The following PCDHGB2 variants were observed in gnomAD, a reference collection of about 807,000 sequenced individuals.
The protein encoded by PCDHGB2 is protocadherin gamma subfamily B, 2.
Under a neutral mutation model 59.3 loss-of-function variants are expected in PCDHGB2, and 55 were observed. That is an observed-to-expected ratio of 0.93 (90% CI 0.75 to 1.16). The LOEUF (loss-of-function observed/expected upper bound fraction) is 1.16, where lower values mean the gene tolerates loss of function less well. Among genes scored for constraint, PCDHGB2 ranks in the 50% most tolerant of loss-of-function variants. PCDHGB2 has a pLI of 0.00. For synonymous variants in PCDHGB2, 516 were observed against 512.0 expected, an observed-to-expected ratio of 1.01 and a Z score of -0.11; for missense variants, 1,228 against 1,198.5, an observed-to-expected ratio of 1.02 and a Z score of -0.36.
intron 1 of PCDHGB2, chr5:141,427,447 T>A (rs556527924): frequency 1.9e-4 from 92 of 483,324 alleles, no homozygotes; most frequent in African/African-American, 1.4e-3. Context: ...AACGAAAGAG[T>A]TCCTTTTAGA....
At chr5:141,365,363 CCCGAAG>C in intron 1 of PCDHGB2, 1 of 1,613,782 alleles carries the variant, frequency 6.2e-7, no homozygotes, top group African/African-American at 1.3e-5. Context: ...TGACAATGCC[CCCGAAG>C]TGATCCTCAC....
In PCDHGB2 at chr5:141,493,079, G is replaced by A. The variant is rs1299289839; in HGVS notation, c.2422-1728G>A. 6.6e-6 allele frequency among the ~76,000 whole-genome samples: 1 copy of A among 152,204 alleles called. No homozygotes were observed. Among genetic ancestry groups the A allele is most frequent in the East Asian group, 1.9e-4 (1 of 5,196 alleles). Reference sequence around the variant, plus strand: ...AAAAACACAAGTTTCTCCAACTCCAGGAGCTTTTATTCAAAATATATCAAT... The same window carrying A: ...AAAAACACAAGTTTCTCCAACTCCAAGAGCTTTTATTCAAAATATATCAAT... On this transcript the variant is annotated intron_variant, in intron 1 of 3. Transcript: ENST00000522605. The surrounding 1 kb of genome is among the most constrained non-coding windows in gnomAD (Gnocchi z 4.3).
At position 141,395,404 on chromosome 5, in the gene PCDHGB2, T is replaced by G. The variant is rs1482913976; in HGVS notation, c.2421+32848T>G. 24 of 836,172 alleles carry G rather than the reference T, an allele frequency of 2.9e-5. No homozygotes were observed. The East Asian group carries it at 6.2e-4, about 21-fold the overall frequency. 51.8% of individuals were successfully genotyped at this position (836,172 alleles called of 1,614,324 possible). A position where few individuals can be genotyped will look rare whatever the true frequency, so the allele number is the denominator to read the frequency against. ...CTATAAAATTGAACTCTAATAGTCA[T>G]AGGTTATTGTTTCATTTGCTTTTAA... On this transcript the variant is annotated intron_variant, in intron 1 of 3. Transcript: ENST00000522605.
Position 141,432,195 on chromosome 5 carries a change from C to A in PCDHGB2, c.2422-62612C>A, listed in dbSNP as rs1334965321. ...CTCGTCTCTGTGACCGCCCACGACC[C>A]CGACTGTGAAGAGAACGCCCAGATC... On this transcript the variant is annotated intron_variant, in intron 1 of 3. Transcript: ENST00000522605. This position sits in a 1 kb window ranked among gnomAD's most constrained non-coding sequence, Gnocchi z 6.0. 22 of 1,614,088 alleles carry A rather than the reference C, an allele frequency of 1.4e-5. No homozygotes were observed. The highest frequency in any genetic ancestry group is 1.9e-5 in the Non-Finnish European group (22 of 1,180,058).
At chr5:141,470,016 C>G (rs116065751) in intron 1 of PCDHGB2, among the ~76,000 whole-genome samples, 1 of 152,146 alleles carries the variant, frequency 6.6e-6, no homozygotes, top group Non-Finnish European at 1.5e-5. Context: ...GTAATCCCAG[C>G]TACTCGGGAT....
chr5:141,398,566 C>T, intron 1 of PCDHGB2: 1 of 1,613,980 alleles, frequency 6.2e-7, no homozygotes, highest in Non-Finnish European at 8.5e-7. Flanking sequence ...TGAGTCTGCA[C>T]AGCCTGGCAC....
chr5:141,437,765 G>C (rs1561886251), intron 1 of PCDHGB2, among the ~76,000 whole-genome samples: 1 of 148,074 alleles, frequency 6.8e-6, no homozygotes, highest in African/African-American at 2.5e-5. Flanking sequence ...TTGAGACAGA[G>C]TCTCAATCTG....
At chr5:141,502,035 G>C (rs1371892057) in intron 2 of PCDHGB2, among the ~76,000 whole-genome samples, 1 of 152,078 alleles carries the variant, frequency 6.6e-6, no homozygotes, top group Non-Finnish European at 1.5e-5. Context: ...CCCGCCGCTT[G>C]CCTGCTCTCC....
chr5:141,508,409 G>T (rs143032030), intron 3 of PCDHGB2: 4 of 152,276 alleles, frequency 2.6e-5, no homozygotes, highest in South Asian at 2.1e-4. Context: ...CTTGAGCCAC[G>T]CAGAGACTTG....
intron 1 of PCDHGB2, chr5:141,422,952 C>A (rs759618535): frequency 6.2e-7 from 1 of 1,614,254 alleles, no homozygotes; most frequent in Non-Finnish European, 8.5e-7. Context: ...GCTCCACTGG[C>A]GTGGAGCTGG....
intron 1 of PCDHGB2, chr5:141,440,542 C>T (rs1448576873): frequency 6.6e-6 from 1 of 152,206 alleles, no homozygotes; most frequent in Non-Finnish European, 1.5e-5. Context: ...CACGGTTCAG[C>T]AGGAATGTTA....
rs1246198657 is a variant in PCDHGB2 at position 141,505,401 on chromosome 5, A to T, written c.2489A>T (p.Asn830Ile). The change falls in exon 3 of 4, where the codon AAT (asparagine) becomes ATT (isoleucine). Residue 830 changes from asparagine (N) to isoleucine (I), a missense_variant. By Grantham distance (149) the Asn-to-Ile change is moderately radical (BLOSUM62 -3). Around this residue, in one of 3 missense-constraint regions of PCDHGB2, gnomAD observed 433 missense variants for 441.8 expected, o/e 0.98. Transcript: ENST00000522605. Reference protein sequence around the residue: ...AQRPGTSGSQNGDDTGTWPNN... With the variant: ...AQRPGTSGSQIGDDTGTWPNN... ...TCCTACTCTCTCCCCAGCTCCCAAA[A>T]TGGCGATGACACCGGCACCTGGCCC... is the stretch of plus-strand genomic sequence containing the variant. The T allele has an allele frequency of 6.2e-7, 1 of 1,614,058 alleles. No individual in the cohort carries two copies. Among genetic ancestry groups the T allele is most frequent in the African/African-American group, 1.3e-5 (1 of 74,922 alleles).
In PCDHGB2 at chr5:141,362,466, G is replaced by A; in HGVS notation, c.2331G>A (p.Ala777=). Residue 777 remains alanine, a synonymous_variant, in exon 1 of 4, where the codon GCG becomes GCA. Transcript: ENST00000522605. ...FLNITPELVP[A]QDLVCDNASW... ...ACATAACCCCGGAATTGGTTCCCGCGCAAGATCTCGTCTGTGACAATGCCT... is the reference window on the plus strand; with the variant it reads ...ACATAACCCCGGAATTGGTTCCCGCACAAGATCTCGTCTGTGACAATGCCT... The A allele has an allele frequency of 6.2e-7, 1 of 1,614,042 alleles. No individual in the cohort carries two copies. The highest frequency in any genetic ancestry group is 8.5e-7 in the Non-Finnish European group (1 of 1,179,896).
chr5:141,477,287 G>T lies in PCDHGB2; in HGVS notation c.2422-17520G>T. ...CGAGAACGGGCTGGTGACCTGCGAA[G>T]TTCCACCGGGTCTCCCTTTCAGCCT... On this transcript the variant is annotated intron_variant, in intron 1 of 3. Coordinates refer to ENST00000522605, the MANE Select transcript of PCDHGB2 (RefSeq NM_018923.3). The surrounding 1 kb of genome is among the most constrained non-coding windows in gnomAD (Gnocchi z 4.9). The T allele has an allele frequency of 6.2e-7, 1 of 1,614,190 alleles. No homozygotes were observed.
chr5:141,372,063 G>T, intron 1 of PCDHGB2: 2 of 1,613,548 alleles, frequency 1.2e-6, no homozygotes. Context: ...CGACCGCAAC[G>T]ACAATGCACC....
intron 1 of PCDHGB2, chr5:141,415,909 C>T: frequency 2.6e-6 from 2 of 761,032 alleles, no homozygotes; most frequent in Non-Finnish European, 3.7e-6. Context: ...GACTTCCATA[C>T]AGAAGTGCCT....
chr5:141,404,610 T>C lies in PCDHGB2; in HGVS notation c.2421+42054T>C, dbSNP rs1207198913. ...AATGTGTCATTGAGACTGTTTGTTTTGGACCAGAATGACAATGCCCCAGAA... is the reference window on the plus strand; with the variant it reads ...AATGTGTCATTGAGACTGTTTGTTTCGGACCAGAATGACAATGCCCCAGAA... On this transcript the variant is annotated intron_variant, in intron 1 of 3. Transcript: ENST00000522605. 1 of 1,614,130 alleles carries C rather than the reference T, an allele frequency of 6.2e-7. No homozygotes were observed. Among genetic ancestry groups the C allele is most frequent in the African/African-American group, 1.3e-5 (1 of 75,054 alleles).
intron 1 of PCDHGB2, chr5:141,414,354 T>C (rs1389145668): frequency 1.2e-6 from 2 of 1,613,800 alleles, no homozygotes; most frequent in Admixed American, 1.7e-5. Flanking sequence ...TTTTGGCGTA[T>C]CTACCATTTA....
At position 141,489,748 on chromosome 5, in the gene PCDHGB2, T is replaced by C. The variant is rs763688648; in HGVS notation, c.2422-5059T>C. On this transcript the variant is annotated intron_variant, in intron 1 of 3. Transcript: ENST00000522605. The surrounding 1 kb of genome is among the most constrained non-coding windows in gnomAD (Gnocchi z 4.5). ...TGTGGGCACCAATACTGTGAGCTTT[T>C]ACACTCTAAGCCCCAACAGCCACTT... is the stretch of plus-strand genomic sequence containing the variant. The C allele has an allele frequency of 1.8e-5, 29 of 1,614,038 alleles. No homozygotes were observed. Among genetic ancestry groups the C allele is most frequent in the Non-Finnish European group, 1.6e-5 (19 of 1,180,010 alleles).
Sources: allele counts gnomAD v4.1 joint callset (sites outside exome capture counted in the v4.1 genomes callset), GRCh38; gene constraint gnomAD v4.1.1; regional missense constraint gnomAD v4.1.1; non-coding constraint Gnocchi (gnomAD v3.1); transcripts MANE v1.5; gene names NCBI Gene and HGNC (gene_info 2026-07-23, HGNC 2026-07-21).